Variants in PHIP observed in about 807,000 individuals in gnomAD.
The protein encoded by PHIP is PHIP subunit of CUL4-Ring ligase complex, also known as PH-interacting protein.
PHIP carries 54 observed loss-of-function variants against 236.8 expected under a neutral mutation model. That is an observed-to-expected ratio of 0.23 (90% CI 0.18 to 0.29). The LOEUF (loss-of-function observed/expected upper bound fraction) is 0.29. PHIP is among the 10% of genes least tolerant of loss of function. The pLI, the probability that PHIP is intolerant of heterozygous loss-of-function variation, is 1.00. For synonymous variants in PHIP, 756 were observed against 718.9 expected (o/e 1.05, Z -0.83); for missense variants, 1,370 against 2,190.8 (o/e 0.63, Z 7.48).
rs1773290388 is a variant in PHIP, at chr6:78,936,875, G to C, written c.*3818C>G. 1 of 151,732 alleles carries C rather than the reference G, an allele frequency of 6.6e-6. No individual in the cohort carries two copies. Among genetic ancestry groups the C allele is most frequent in the South Asian group, 2.1e-4 (1 of 4,828 alleles). The allele number at this position is 151,732 out of a possible 1,614,324, so 9.4% of individuals were successfully genotyped here. On this transcript the variant is annotated 3_prime_UTR_variant, in exon 40 of 40. Transcript: ENST00000275034. The stretch of plus-strand genomic sequence containing the variant: ...CTTAGTAAATGTAATATTAATTTTA[G>C]TTCAGATCACTTGGAAATTAGGGGA...
At chr6:79,057,989 T>C (rs945898885) in intron 6 of PHIP, among the ~76,000 whole-genome samples, 1 of 152,128 alleles carries the variant, frequency 6.6e-6, no homozygotes, top group African/African-American at 2.4e-5. Flanking sequence ...TTTTGGTCAG[T>C]CTAGCTTCTC....
At chr6:79,054,558 G>C (rs973219734) in intron 6 of PHIP, among the ~76,000 whole-genome samples, 2 of 151,232 alleles carry the variant, frequency 1.3e-5, no homozygotes, top group Admixed American at 1.3e-4. Flanking sequence ...ATTAGAAAAA[G>C]ATAAGTGAAC....
At chr6:79,058,698 G>C (rs1463540431) in intron 6 of PHIP, among the ~76,000 whole-genome samples, 4 of 151,980 alleles carry the variant, frequency 2.6e-5, no homozygotes, top group Non-Finnish European at 5.9e-5. Context: ...TAAATAAATA[G>C]AAAATGCTTA....
chr6:78,956,830 A>G (rs1766451937), intron 32 of PHIP: 1 of 151,786 alleles, frequency 6.6e-6, no homozygotes, highest in African/African-American at 2.4e-5. Flanking sequence ...CTAAACTTTT[A>G]TACAATTCTC....
chr6:79,076,407 C>T (rs1029099958), intron 4 of PHIP, among the ~76,000 whole-genome samples: 3 of 152,120 alleles, frequency 2.0e-5, no homozygotes, highest in African/African-American at 4.8e-5. Context: ...TTGGTGGGTC[C>T]GGTGCGACTG....
intron 4 of PHIP, chr6:79,068,113 G>A (rs1026287431): frequency 6.5e-6 from 1 of 153,686 alleles, no homozygotes; most frequent in African/African-American, 2.4e-5. Flanking sequence ...CATTCTACCA[G>A]ACTTACAGTC....
intron 15 of PHIP, among the ~76,000 whole-genome samples, chr6:79,006,194 T>C (rs1770282873): frequency 6.6e-6 from 1 of 151,984 alleles, no homozygotes; most frequent in South Asian, 2.1e-4. Context: ...CATGAACCAG[T>C]TAGAAAAGGT....
intron 29 of PHIP, among the ~76,000 whole-genome samples, chr6:78,965,338 T>C (rs1413903492): frequency 6.6e-6 from 1 of 152,178 alleles, no homozygotes; most frequent in African/African-American, 2.4e-5. Context: ...TGAACTGATG[T>C]CCGTCTCACT....
chr6:79,045,861 G>A (rs1219791229), intron 6 of PHIP, among the ~76,000 whole-genome samples: 1 of 152,108 alleles, frequency 6.6e-6, no homozygotes, highest in Admixed American at 6.6e-5. Flanking sequence ...TAAGTATAGT[G>A]ATAGAAACTA....
At chr6:79,034,935 T>A (rs1331455346) in intron 7 of PHIP, among the ~76,000 whole-genome samples, 3 of 152,150 alleles carry the variant, frequency 2.0e-5, no homozygotes, top group African/African-American at 7.2e-5. Flanking sequence ...AGAAACAACT[T>A]GTCCAAACAC....
At position 79,011,289 on chromosome 6, in the gene PHIP, T is replaced by C. The variant is rs1371531979; in HGVS notation, c.1524+3793A>G. Among the ~76,000 whole-genome samples, 7 of 151,890 alleles carry C rather than the reference T, an allele frequency of 4.6e-5. No homozygotes were observed. The East Asian group carries it at 1.3e-3, about 29-fold the overall frequency. ...ATGTAAGGACTGTTCAGTTGATTCG[T>C]AAAGAAATAAAAGTACTGAAGGCCT... On this transcript the variant is annotated intron_variant, in intron 15 of 39. Transcript: ENST00000275034.
intron 7 of PHIP, among the ~76,000 whole-genome samples, chr6:79,040,757 C>T (rs533226309): frequency 6.6e-6 from 1 of 152,142 alleles, no homozygotes; most frequent in South Asian, 2.1e-4. Context: ...AAAAATAGTG[C>T]CCTCATATCT....
At chr6:79,060,620 C>T in intron 5 of PHIP, 44 bp from the exon 6 acceptor site, 1 of 1,607,600 alleles carries the variant, frequency 6.2e-7, no homozygotes, top group Non-Finnish European at 8.5e-7. Context: ...AACACAAAAA[C>T]AAAAGTGAGA....
Position 78,988,353 on chromosome 6 carries a change from GA to G in PHIP, c.2320-5del. ...GGAAATGCTCATGAGCATGATTCTA[GA>G]AAAAAATAAATTAAATTTATTCACA... On this transcript the variant is annotated splice_region_variant and splice_polypyrimidine_tract_variant and intron_variant, in intron 20 of 39. Coordinates refer to ENST00000275034, the MANE Select transcript of PHIP (RefSeq NM_017934.7). 6.4e-7 allele frequency: 1 copy of G among 1,564,272 alleles called. No homozygotes were observed. The highest frequency in any genetic ancestry group is 1.2e-5 in the South Asian group (1 of 82,598).
intron 34 of PHIP, 93 bp downstream of exon 34, chr6:78,955,139 T>C (rs1766330754): frequency 2.2e-6 from 2 of 926,306 alleles, no homozygotes; most frequent in African/African-American, 3.4e-5. Flanking sequence ...ATACTTAATG[T>C]CTTTTAAAAT....
chr6:79,043,941 T>C (rs1201882553), intron 6 of PHIP, among the ~76,000 whole-genome samples: 1 of 151,956 alleles, frequency 6.6e-6, no homozygotes, highest in African/African-American at 2.4e-5. Flanking sequence ...AAATACTACT[T>C]AGCCAAGGTA....
chr6:79,055,690 C>T (rs562157714), intron 6 of PHIP, among the ~76,000 whole-genome samples: 2 of 152,162 alleles, frequency 1.3e-5, no homozygotes, highest in Non-Finnish European at 2.9e-5. Context: ...GTTCAATTTT[C>T]ACAACTTACA....
rs887240178 is a variant in PHIP, at chr6:78,945,876, TAAAG to T, written c.4630+121_4630+124del. On this transcript the variant is annotated intron_variant, in intron 38 of 39. Transcript: ENST00000275034. The stretch of plus-strand genomic sequence containing the variant: ...ACTTTTTTTTAAAATAGGAAATTAA[TAAAG>T]AAGGCAAAAACAACAGTGTCTGCTA... 5.5e-5 allele frequency: 39 copies of T among 711,678 alleles called. No individual in the cohort carries two copies. The Middle Eastern group carries it at 1.2e-3, about 22-fold the overall frequency. The allele number at this position is 711,678 out of a possible 1,614,324, so 44.1% of individuals were successfully genotyped here.
intron 9 of PHIP, among the ~76,000 whole-genome samples, chr6:79,024,200 A>C (rs552915340): frequency 6.6e-6 from 1 of 152,230 alleles, no homozygotes; most frequent in African/African-American, 2.4e-5. Flanking sequence ...GTTCATATAC[A>C]TGAAGTTAAA....
Sources: gnomAD v4.1 joint callset for allele counts (sites outside exome capture counted in the v4.1 genomes callset) on GRCh38, gnomAD v4.1.1 for gene constraint, MANE v1.5 for transcripts, NCBI Gene and HGNC (gene_info 2026-07-23, HGNC 2026-07-21) for gene names.